Variants in ASIC2 observed in about 807,000 individuals in gnomAD.
The protein encoded by ASIC2 is acid sensing ion channel subunit 2, also known as acid-sensing ion channel 2.
In ASIC2, 25 loss-of-function variants were observed where a neutral mutation model predicts 57.3. The ratio of observed to expected loss-of-function variants is 0.44; its 90% CI spans 0.32 to 0.61. ASIC2 has a LOEUF of 0.61. Among genes scored for constraint, ASIC2 ranks in the 20% least tolerant of loss-of-function variants. The pLI is 0.06. For synonymous variants in ASIC2, 319 were observed against 307.5 expected (o/e 1.04, Z -0.39); for missense variants, 641 against 738.1 (o/e 0.87, Z 1.52).
At chr17:33,500,835 A>C (rs1445812350) in intron 1 of ASIC2, among the ~76,000 whole-genome samples, 1 of 152,274 alleles carries the variant, frequency 6.6e-6, no homozygotes, top group Non-Finnish European at 1.5e-5. Flanking sequence ...AGGCACTCAA[A>C]GCAATCCCAG....
intron 1 of ASIC2, among the ~76,000 whole-genome samples, chr17:33,374,586 CT>C (rs1214618799): frequency 1.3e-5 from 2 of 152,196 alleles, no homozygotes; most frequent in Non-Finnish European, 2.9e-5. Context: ...CAATTAAACT[CT>C]TTCTTTACTG....
chr17:33,291,152 G>A, intron 1 of ASIC2: 2 of 664,676 alleles, frequency 3.0e-6, no homozygotes, highest in East Asian at 6.2e-5. Flanking sequence ...AGGGCTTTGG[G>A]GGCTGACACT....
At chr17:33,954,651 G>A (rs1181158449) in intron 1 of ASIC2, among the ~76,000 whole-genome samples, 2 of 152,176 alleles carry the variant, frequency 1.3e-5, no homozygotes, top group South Asian at 2.1e-4. Context: ...CATCCCCAAG[G>A]ACAAGGGTAG....
rs192469556 is a variant in ASIC2 at position 33,241,295 on chromosome 17, C to T, written c.708+50113G>A. ...GTAGATCCAGGAAAACACAAGCAAACCAATAAGTAAGCTGACTCTAGAGAA... is the reference window on the plus strand; with the variant it reads ...GTAGATCCAGGAAAACACAAGCAAATCAATAAGTAAGCTGACTCTAGAGAA... On this transcript the variant is annotated intron_variant, in intron 1 of 9. Coordinates refer to ENST00000225823, the MANE Select transcript of ASIC2 (RefSeq NM_183377.2). Among the ~76,000 whole-genome samples the T allele has an allele frequency of 1.3e-3, 196 of 152,316 alleles. 2 individuals carry two copies. Among genetic ancestry groups the T allele is most frequent in the Non-Finnish European group, 1.5e-3 (103 of 68,022 alleles).
At chr17:33,176,167 G>T (rs1440060696) in intron 1 of ASIC2, among the ~76,000 whole-genome samples, 1 of 152,070 alleles carries the variant, frequency 6.6e-6, no homozygotes, top group Non-Finnish European at 1.5e-5. Flanking sequence ...ACCCTTCAGG[G>T]CTGGGCAGAC....
chr17:33,929,890 G>C (rs1249818278), intron 1 of ASIC2, among the ~76,000 whole-genome samples: 1 of 152,240 alleles, frequency 6.6e-6, no homozygotes, highest in Non-Finnish European at 1.5e-5. Flanking sequence ...AGGTGTGGTT[G>C]CTTGTGAACA....
chr17:33,738,765 T>A (rs1363923195), intron 1 of ASIC2, among the ~76,000 whole-genome samples: 2 of 152,220 alleles, frequency 1.3e-5, no homozygotes, highest in Non-Finnish European at 2.9e-5. Context: ...TTACACCAAC[T>A]GGCTCTGGTT....
chr17:33,860,608 A>T (rs1225937775), intron 1 of ASIC2, among the ~76,000 whole-genome samples: 1 of 152,216 alleles, frequency 6.6e-6, no homozygotes, highest in Non-Finnish European at 1.5e-5. Context: ...CAAGTAAAAA[A>T]GATTGGCAGC....
chr17:33,617,137 G>T (rs2142018898), intron 1 of ASIC2, among the ~76,000 whole-genome samples: 1 of 152,250 alleles, frequency 6.6e-6, no homozygotes, highest in African/African-American at 2.4e-5. Context: ...TTAAATTCCT[G>T]GGTTTACAGC....
At chr17:33,847,370 T>C (rs1158948215) in intron 1 of ASIC2, among the ~76,000 whole-genome samples, 1 of 152,012 alleles carries the variant, frequency 6.6e-6, no homozygotes, top group African/African-American at 2.4e-5. Flanking sequence ...TAAGAGTCAA[T>C]CCTGGGGAAC....
intron 1 of ASIC2, among the ~76,000 whole-genome samples, chr17:34,024,183 T>A (rs552474202): frequency 1.1e-4 from 16 of 152,328 alleles, no homozygotes; most frequent in Admixed American, 9.1e-4. Context: ...CCAGCCAGAT[T>A]GGGCTGCTCA....
intron 1 of ASIC2, among the ~76,000 whole-genome samples, chr17:33,169,711 G>A (rs1301197171): frequency 2.0e-5 from 3 of 152,186 alleles, no homozygotes; most frequent in Non-Finnish European, 4.4e-5. Flanking sequence ...TGAAGCTCCA[G>A]AGTCAATGAA....
At chr17:33,569,912 T>C (rs1460789785) in intron 1 of ASIC2, among the ~76,000 whole-genome samples, 7 of 152,226 alleles carry the variant, frequency 4.6e-5, no homozygotes, top group Non-Finnish European at 8.8e-5. Flanking sequence ...ATCATATCTA[T>C]ATGAACCCTT....
intron 1 of ASIC2, among the ~76,000 whole-genome samples, chr17:33,579,682 G>A (rs375264469): frequency 5.9e-5 from 9 of 152,160 alleles, no homozygotes; most frequent in African/African-American, 1.2e-4. Flanking sequence ...GACTTCTAGA[G>A]TGAAGCTACA....
chr17:33,271,670 C>T (rs1281422446), intron 1 of ASIC2, among the ~76,000 whole-genome samples: 2 of 152,206 alleles, frequency 1.3e-5, no homozygotes, highest in African/African-American at 4.8e-5. Flanking sequence ...TGCTTACCAC[C>T]TCCATCACCA....
intron 1 of ASIC2, among the ~76,000 whole-genome samples, chr17:33,148,529 G>T (rs908933340): frequency 1.3e-5 from 2 of 152,182 alleles, no homozygotes; most frequent in African/African-American, 4.8e-5. Flanking sequence ...AGGTCAAACT[G>T]CCTGGGTTTC....
At chr17:33,786,809 A>G (rs2142133053) in intron 1 of ASIC2, among the ~76,000 whole-genome samples, 1 of 152,272 alleles carries the variant, frequency 6.6e-6, no homozygotes, top group East Asian at 1.9e-4. Context: ...GTCACCCCTC[A>G]GGTTCAGCTG....
chr17:33,185,750 G>A (rs1166939161), intron 1 of ASIC2, among the ~76,000 whole-genome samples: 1 of 152,186 alleles, frequency 6.6e-6, no homozygotes, highest in East Asian at 1.9e-4. Context: ...CTAAGGCCGA[G>A]GGAAGAGCCA....
At chr17:33,232,341 T>C (rs148507369) in intron 1 of ASIC2, among the ~76,000 whole-genome samples, 2 of 152,246 alleles carry the variant, frequency 1.3e-5, no homozygotes, top group African/African-American at 4.8e-5. Context: ...TCCAAATCTG[T>C]GAGAAAATAA....
Sources: gnomAD v4.1 joint callset for allele counts (sites outside exome capture counted in the v4.1 genomes callset) on GRCh38, gnomAD v4.1.1 for gene constraint, MANE v1.5 for transcripts, NCBI Gene and HGNC (gene_info 2026-07-23, HGNC 2026-07-21) for gene names.